WDPCP: variants seen among roughly 807,000 people sequenced by gnomAD.
WDPCP encodes the protein WD repeat-containing and planar cell polarity effector protein fritz homolog.
In WDPCP, 71 loss-of-function variants were observed where a neutral mutation model predicts 93.1. The observed-to-expected ratio is 0.76, with a 90% CI of 0.63 to 0.93. The LOEUF is 0.93. Among genes scored for constraint, WDPCP ranks in the 40% least tolerant of loss-of-function variants. The pLI is 0.00. For synonymous variants in WDPCP, 315 were observed against 315.0 expected (o/e 1.00, Z 0.00); for missense variants, 844 against 887.4 (o/e 0.95, Z 0.62).
intron 1 of WDPCP, among the ~76,000 whole-genome samples, chr2:63,502,911 G>A (rs1701646147): frequency 6.6e-6 from 1 of 152,186 alleles, no homozygotes; most frequent in African/African-American, 2.4e-5. Flanking sequence ...CTGGTCAGAT[G>A]ATGCTATTTC....
chr2:63,780,241 G>A (rs763610288), intron 2 of WDPCP, among the ~76,000 whole-genome samples: 3 of 152,158 alleles, frequency 2.0e-5, no homozygotes, highest in African/African-American at 7.2e-5. Context: ...ATTGGCAGTC[G>A]ATGATCCTTC....
intron 13 of WDPCP, among the ~76,000 whole-genome samples, chr2:63,278,905 C>T (rs1240130597): frequency 6.6e-6 from 1 of 152,096 alleles, no homozygotes; most frequent in Admixed American, 6.5e-5. Flanking sequence ...TGGATAAATT[C>T]CTAGAAATAT....
At chr2:63,411,952 AAAG>A (rs1328912974) in intron 9 of WDPCP, among the ~76,000 whole-genome samples, 2 of 152,200 alleles carry the variant, frequency 1.3e-5, no homozygotes, top group African/African-American at 4.8e-5. Flanking sequence ...ACGGACATTC[AAAG>A]AAGAATTGGT....
chr2:63,532,492 C>T (rs369582306), intron 1 of WDPCP, among the ~76,000 whole-genome samples: 50 of 152,310 alleles, frequency 3.3e-4, no homozygotes, highest in African/African-American at 1.0e-3. Flanking sequence ...GGAAGCCCAT[C>T]AGATTAACAG....
chr2:63,540,746 T>G (rs182241478), intron 1 of WDPCP, among the ~76,000 whole-genome samples: 16 of 152,118 alleles, frequency 1.1e-4, no homozygotes, highest in Non-Finnish European at 1.6e-4. Context: ...ATAGTGGTTT[T>G]TTTGTTTGTT....
intron 4 of WDPCP, among the ~76,000 whole-genome samples, chr2:63,485,997 C>A (rs1575508408): frequency 6.6e-6 from 1 of 151,664 alleles, no homozygotes; most frequent in East Asian, 1.9e-4. Flanking sequence ...GTCAGTTCAA[C>A]CATTTAAAAA....
At chr2:63,785,956 A>C (rs1334286113) in intron 2 of WDPCP, among the ~76,000 whole-genome samples, 1 of 152,188 alleles carries the variant, frequency 6.6e-6, no homozygotes, top group Non-Finnish European at 1.5e-5. Context: ...CCACACTGAC[A>C]TGGCTCAGCT....
intron 1 of WDPCP, among the ~76,000 whole-genome samples, chr2:63,550,625 T>C (rs548246892): frequency 5.3e-5 from 8 of 152,076 alleles, no homozygotes; most frequent in African/African-American, 1.4e-4. Flanking sequence ...TGGGTGATCA[T>C]ATCTGCTTCC....
chr2:63,563,338 T>C (rs899600958), intron 1 of WDPCP, among the ~76,000 whole-genome samples: 6 of 151,466 alleles, frequency 4.0e-5, no homozygotes, highest in South Asian at 4.2e-4. Context: ...TGTTGAAAAA[T>C]AGCATCATTT....
intron 17 of WDPCP, among the ~76,000 whole-genome samples, chr2:63,145,790 C>A (rs1210095520): frequency 6.6e-6 from 1 of 152,172 alleles, no homozygotes; most frequent in African/African-American, 2.4e-5. Flanking sequence ...CTATACATTG[C>A]TCTGGGTAGT....
Position 63,404,382 on chromosome 2 carries a change from G to A in WDPCP, c.1101C>T (p.His367=), listed in dbSNP as rs904401906. The A allele has an allele frequency of 1.9e-6, 3 of 1,614,072 alleles. No homozygotes were observed. The highest frequency in any genetic ancestry group is 1.3e-5 in the African/African-American group (1 of 74,934). ...TCTGTGCTAAGAGAGTCACTCTACG[G>A]TGAGTTTCATAAAGAATTAGCGAAG... ...EDSSLILYET[H]RRVTLLAQTE... is the part of the protein sequence containing the mutation. Residue 367 remains histidine (H), a synonymous_variant, in exon 10 of 18, where the codon CAC becomes CAT. Transcript: ENST00000272321.
chr2:63,664,951 C>G (rs1205844398), intron 2 of WDPCP, among the ~76,000 whole-genome samples: 2 of 152,210 alleles, frequency 1.3e-5, no homozygotes, highest in African/African-American at 4.8e-5. Context: ...CTACACTACA[C>G]TGCCTCTGCA....
chr2:63,740,900 C>T (rs1039544738), intron 2 of WDPCP, among the ~76,000 whole-genome samples: 2 of 152,134 alleles, frequency 1.3e-5, no homozygotes, highest in South Asian at 2.1e-4. Context: ...TTCTCCTGTC[C>T]ATGAGGAATA....
At chr2:63,211,084 T>C (rs905806013) in intron 14 of WDPCP, among the ~76,000 whole-genome samples, 20 of 152,206 alleles carry the variant, frequency 1.3e-4, no homozygotes, top group African/African-American at 4.8e-4. Flanking sequence ...TAAACGTCCC[T>C]GTCAGACAGC....
At chr2:63,741,478 A>T (rs1669712485) in intron 2 of WDPCP, among the ~76,000 whole-genome samples, 1 of 152,026 alleles carries the variant, frequency 6.6e-6, no homozygotes, top group Admixed American at 6.6e-5. Flanking sequence ...GGTCTCTTGT[A>T]TTTCACTATG....
intron 17 of WDPCP, among the ~76,000 whole-genome samples, chr2:63,124,899 T>G (rs1399257319): frequency 1.3e-5 from 2 of 152,128 alleles, no homozygotes. Context: ...AGTTTTTTAA[T>G]GTACTAACAA....
intron 13 of WDPCP, among the ~76,000 whole-genome samples, chr2:63,287,295 T>C (rs953222831): frequency 7.0e-6 from 1 of 142,698 alleles, no homozygotes; most frequent in Non-Finnish European, 1.6e-5. Context: ...CCATCCATTC[T>C]TTTTTTTTTT....
At chr2:63,758,777 TTTTTTA>T (rs1425157153) in intron 2 of WDPCP, among the ~76,000 whole-genome samples, 10 of 151,480 alleles carry the variant, frequency 6.6e-5, no homozygotes, top group Admixed American at 5.9e-4. Context: ...CAGATTCTTT[TTTTTTA>T]TTTTTATTTT....
chr2:63,575,401 A>ATATACAGTATATACACTGTAAACACTG (rs1362257239), intron 1 of WDPCP, among the ~76,000 whole-genome samples: 1 of 21,470 alleles, frequency 4.7e-5, no homozygotes, highest in Non-Finnish European at 2.0e-4. Flanking sequence ...TATATACAGT[A>ATATACAGTATATACACTGTAAACACTG]TATATACAGT....
Sources: gnomAD v4.1 joint callset for allele counts (sites outside exome capture counted in the v4.1 genomes callset) on GRCh38, gnomAD v4.1.1 for gene constraint, MANE v1.5 for transcripts, NCBI Gene and HGNC (gene_info 2026-07-23, HGNC 2026-07-21) for gene names.